CDK5RAP2: variants seen among roughly 807,000 people sequenced by gnomAD.
The protein encoded by CDK5RAP2 is CDK5 regulatory subunit-associated protein 2.
Under a neutral mutation model 232.9 loss-of-function variants are expected in CDK5RAP2, and 147 were observed. That is an observed-to-expected ratio of 0.63 (90% CI 0.55 to 0.72). CDK5RAP2 has a LOEUF of 0.72. CDK5RAP2 is among the 30% of genes least tolerant of loss of function. The pLI is 0.00. For missense variants in CDK5RAP2, 2,195 were observed against 2,231.5 expected, an observed-to-expected ratio of 0.98 and a Z score of 0.33; for synonymous variants, 833 against 833.7, an observed-to-expected ratio of 1.00 and a Z score of 0.01.
intron 35 of CDK5RAP2, among the ~76,000 whole-genome samples, chr9:120,398,903 T>G (rs2032746501): frequency 1.3e-5 from 2 of 152,098 alleles, no homozygotes; most frequent in Admixed American, 6.5e-5. Flanking sequence ...GGGTTGTTGG[T>G]GAAAACTTGG....
At chr9:120,505,100 CA>C (rs1272647467) in intron 12 of CDK5RAP2, among the ~76,000 whole-genome samples, 1 of 152,188 alleles carries the variant, frequency 6.6e-6, no homozygotes, top group East Asian at 1.9e-4. Flanking sequence ...CTGCACTTCA[CA>C]GAGATTTTGT....
intron 20 of CDK5RAP2, among the ~76,000 whole-genome samples, chr9:120,456,311 T>C (rs1350139419): frequency 1.3e-5 from 2 of 152,232 alleles, no homozygotes; most frequent in Non-Finnish European, 2.9e-5. Context: ...ACCTGCTCTA[T>C]TTCTAGAAAC....
intron 11 of CDK5RAP2, 23 bp from the exon 12 acceptor site, chr9:120,518,668 A>G: frequency 1.9e-6 from 3 of 1,598,006 alleles, no homozygotes; most frequent in Non-Finnish European, 2.6e-6. Context: ...GCAGAGAAGC[A>G]AGATGAGCTA....
chr9:120,451,960 C>A (rs1165385517), intron 21 of CDK5RAP2, among the ~76,000 whole-genome samples: 1 of 150,554 alleles, frequency 6.6e-6, no homozygotes, highest in Non-Finnish European at 1.5e-5. Flanking sequence ...CGGTTTCCTT[C>A]CTTTTGAAGA....
Position 120,437,396 on chromosome 9 carries a change from A to T in CDK5RAP2, c.3854T>A (p.Leu1285Gln). Residue 1285 changes from leucine to glutamine, a missense_variant, in exon 25 of 38, where the codon CTG becomes CAG. Leu to Gln is a moderately radical substitution (Grantham distance 113). Coordinates refer to ENST00000349780, the MANE Select transcript of CDK5RAP2 (RefSeq NM_018249.6). ...ACAGTAATCCACATCACTGGCCTGCAGCAACTCCTCAAATGCCTTAATCAT... is the reference window on the plus strand; with the variant it reads ...ACAGTAATCCACATCACTGGCCTGCTGCAACTCCTCAAATGCCTTAATCAT... The part of the protein sequence containing the change: ...NTMIKAFEEL[L>Q]QASDVDYCVA... 1 of 1,614,154 alleles carries T rather than the reference A, an allele frequency of 6.2e-7. No individual in the cohort carries two copies. The highest frequency in any genetic ancestry group is 1.7e-4 in the Middle Eastern group (1 of 6,060).
At chr9:120,474,953 G>A (rs920242788) in intron 15 of CDK5RAP2, among the ~76,000 whole-genome samples, 1 of 152,142 alleles carries the variant, frequency 6.6e-6, no homozygotes, top group African/African-American at 2.4e-5. Flanking sequence ...AAAACCTCCT[G>A]TAAACTAAGT....
At chr9:120,431,656 G>A (rs2035293221) in intron 25 of CDK5RAP2, among the ~76,000 whole-genome samples, 1 of 152,230 alleles carries the variant, frequency 6.6e-6, no homozygotes, top group Admixed American at 6.5e-5. Flanking sequence ...AGAAACCAAT[G>A]TTTCAGGTTC....
chr9:120,477,593 CCA>C (rs997480186), intron 14 of CDK5RAP2, 143 bp from the exon 15 acceptor site: 2 of 707,620 alleles, frequency 2.8e-6, no homozygotes, highest in African/African-American at 3.5e-5. Context: ...CTGGCTCAGG[CCA>C]CAGTCAGAGA....
intron 22 of CDK5RAP2, among the ~76,000 whole-genome samples, chr9:120,446,897 C>G (rs1326655330): frequency 6.6e-6 from 1 of 152,156 alleles, no homozygotes; most frequent in Non-Finnish European, 1.5e-5. Flanking sequence ...CCACATTCCC[C>G]ACACTTGAAT....
At chr9:120,400,072 A>C (rs1029596241) in intron 35 of CDK5RAP2, among the ~76,000 whole-genome samples, 14 of 152,170 alleles carry the variant, frequency 9.2e-5, no homozygotes, top group African/African-American at 3.1e-4. Flanking sequence ...TCACACCACC[A>C]AGCAGAGAGT....
At chr9:120,518,252 A>G (rs2040452031) in intron 12 of CDK5RAP2, among the ~76,000 whole-genome samples, 175 bp downstream of exon 12, 1 of 147,918 alleles carries the variant, frequency 6.8e-6, no homozygotes, top group African/African-American at 2.5e-5. Context: ...AGCGAGGAGA[A>G]TAAAAGGACT....
At chr9:120,498,526 TGG>T (rs1230508985) in intron 12 of CDK5RAP2, among the ~76,000 whole-genome samples, 1 of 152,200 alleles carries the variant, frequency 6.6e-6, no homozygotes, top group Non-Finnish European at 1.5e-5. Context: ...GGGTCACTCA[TGG>T]GAAAACTGGC....
intron 22 of CDK5RAP2, among the ~76,000 whole-genome samples, chr9:120,444,888 CTGT>C (rs1463737722): frequency 6.6e-6 from 1 of 152,184 alleles, no homozygotes; most frequent in Admixed American, 6.5e-5. Context: ...CCTCAAAGGA[CTGT>C]TGAGAGAACC....
intron 10 of CDK5RAP2, among the ~76,000 whole-genome samples, chr9:120,527,043 C>G (rs1000669230): frequency 6.6e-6 from 1 of 152,128 alleles, no homozygotes; most frequent in Non-Finnish European, 1.5e-5. Flanking sequence ...ACACTTCCCT[C>G]AATCACAACC....
At chr9:120,389,355 C>A in intron 37 of CDK5RAP2, 63 bp from the exon 38 acceptor site, 1 of 1,313,450 alleles carries the variant, frequency 7.6e-7, no homozygotes. Flanking sequence ...AAGTAAGACC[C>A]CGACAGAGGT....
intron 24 of CDK5RAP2, among the ~76,000 whole-genome samples, chr9:120,438,810 A>T (rs764289737): frequency 1.3e-4 from 20 of 152,352 alleles, no homozygotes; most frequent in South Asian, 4.1e-4. Context: ...AATTAGTGAC[A>T]AATGAAGGTC....
chr9:120,515,234 C>CAT (rs1298730728), intron 12 of CDK5RAP2, among the ~76,000 whole-genome samples: 2 of 152,118 alleles, frequency 1.3e-5, no homozygotes, highest in African/African-American at 4.8e-5. Context: ...ATGAAACATG[C>CAT]AGCTCTATAA....
intron 27 of CDK5RAP2, among the ~76,000 whole-genome samples, chr9:120,417,428 A>C (rs2034297621): frequency 6.6e-6 from 1 of 152,196 alleles, no homozygotes; most frequent in African/African-American, 2.4e-5. Context: ...GTGCCCTGCA[A>C]ATCTTCCTCC....
At chr9:120,499,195 T>A (rs1196408228) in intron 12 of CDK5RAP2, among the ~76,000 whole-genome samples, 2 of 152,234 alleles carry the variant, frequency 1.3e-5, no homozygotes, top group Non-Finnish European at 2.9e-5. Context: ...ACTGAAATAC[T>A]GATAAAGTAG....
Sources: allele counts gnomAD v4.1 joint callset (sites outside exome capture counted in the v4.1 genomes callset), GRCh38; gene constraint gnomAD v4.1.1; transcripts MANE v1.5; gene names NCBI Gene and HGNC (gene_info 2026-07-23, HGNC 2026-07-21).